Variants in ZNF19 observed in about 807,000 individuals in gnomAD.
ZNF19 encodes the protein zinc finger protein 19, also known as zinc finger protein 19 (KOX 12).
Under a neutral mutation model 13.1 loss-of-function variants are expected in ZNF19, and 11 were observed. The observed-to-expected ratio is 0.84, with a 90% confidence interval of 0.53 to 1.39. ZNF19 has a LOEUF of 1.39. Among genes scored for constraint, ZNF19 ranks in the 40% most tolerant of loss-of-function variants. The probability of loss-of-function intolerance (pLI) is 0.00; values close to 1 mark genes in which losing one functional copy is unlikely to be tolerated. For missense variants in ZNF19, 560 were observed against 547.0 expected, an observed-to-expected ratio of 1.02 and a Z score of -0.24; for synonymous variants, 186 against 187.0, an observed-to-expected ratio of 0.99 and a Z score of 0.04.
At position 71,478,862 on chromosome 16, in the gene ZNF19, G is replaced by A. The variant is rs1338275881; in HGVS notation, c.160+17C>T. ...GGAAAAGTACAGATCTGAGTCCTAG[G>A]AGGAAAATGGCCTTACCCAAAGCAG... is the stretch of plus-strand genomic sequence containing the variant. On this transcript the variant is annotated intron_variant, in intron 4 of 5. Transcript: ENST00000288177. 4 of 1,612,698 alleles carry A rather than the reference G, an allele frequency of 2.5e-6. No homozygotes were observed. In the African/African-American group the frequency reaches 5.3e-5, roughly 22 times the overall value.
intron 3 of ZNF19, among the ~76,000 whole-genome samples, chr16:71,479,756 G>T (rs1437195836): frequency 6.6e-6 from 1 of 150,840 alleles, no homozygotes; most frequent in Non-Finnish European, 1.5e-5. Context: ...TGCTTCTTGG[G>T]TTTTTTTTTC....
Position 71,476,138 on chromosome 16 carries a change from T to C in ZNF19, c.409A>G (p.Lys137Glu), listed in dbSNP as rs767137185. The C allele has an allele frequency of 1.1e-5, 18 of 1,614,048 alleles. No homozygotes were observed. The Admixed American group carries it at 2.8e-4, about 25-fold the overall frequency. Residue 137 changes from lysine (K) to glutamate (E), a missense_variant, in exon 6 of 6, where the codon AAG becomes GAG. Coordinates refer to ENST00000288177, the MANE Select transcript of ZNF19 (RefSeq NM_006961.4). ...TTCACTGTGGGGATGTCCTGGTGCT[T>C]TTCCACATTACGTGTTTCTGGGAAG... ...TDFPETRNVE[K>E]HQDIPTVKNI...
intron 5 of ZNF19, among the ~76,000 whole-genome samples, chr16:71,476,769 G>A (rs1170376998): frequency 6.6e-6 from 1 of 152,214 alleles, no homozygotes; most frequent in Non-Finnish European, 1.5e-5. Flanking sequence ...CAGACACTGG[G>A]TTGTGGCAAG....
At chr16:71,483,247 A>G (rs2043649314) in intron 2 of ZNF19, among the ~76,000 whole-genome samples, 1 of 152,232 alleles carries the variant, frequency 6.6e-6, no homozygotes, top group African/African-American at 2.4e-5. Flanking sequence ...GGGCCAACTC[A>G]ACACACTAAA....
chr16:71,478,492 C>A (rs774091950), intron 4 of ZNF19, 151 bp from the exon 5 acceptor site: 20 of 719,086 alleles, frequency 2.8e-5, no homozygotes. Context: ...GGAAACTGAG[C>A]ATTTGTGACT....
rs769676661 is a variant in ZNF19, at chr16:71,475,883, A to G, written c.664T>C (p.Cys222Arg). 2.5e-6 allele frequency: 4 copies of G among 1,612,976 alleles called. No homozygotes were observed. The highest frequency in any genetic ancestry group is 1.3e-5 in the African/African-American group (1 of 74,706). Residue 222 changes from cysteine to arginine, a missense_variant, in exon 6 of 6, where the codon TGT (cysteine) becomes CGT (arginine). Transcript: ENST00000288177. ...TGERPYQCEE[C>R]GRAFNDNANL... ...GCATTATCATTAAAGGCTCGCCCACACTCCTCACACTGATAGGGTCTCTCT... is the reference window on the plus strand; with the variant it reads ...GCATTATCATTAAAGGCTCGCCCACGCTCCTCACACTGATAGGGTCTCTCT...
At position 71,489,309 on chromosome 16, in the gene ZNF19, G is replaced by A; in HGVS notation, c.-227C>T. On this transcript the variant is annotated 5_prime_UTR_variant, in exon 1 of 6. Coordinates refer to ENST00000288177, the MANE Select transcript of ZNF19 (RefSeq NM_006961.4). ...ACTCAAAACAGGCCAGAAGCGCACC[G>A]CTAGCGAGAACGGTTAGGAGGCCGG... is the stretch of plus-strand genomic sequence containing the variant. 1 of 985,474 alleles carries A rather than the reference G, an allele frequency of 1.0e-6. No homozygotes were observed. The highest frequency in any genetic ancestry group is 1.2e-6 in the Non-Finnish European group (1 of 829,960). 61.0% of individuals were successfully genotyped at this position (985,474 alleles called of 1,614,324 possible).
chr16:71,485,524 A>C (rs963324942), intron 1 of ZNF19, among the ~76,000 whole-genome samples: 1 of 151,778 alleles, frequency 6.6e-6, no homozygotes, highest in Non-Finnish European at 1.5e-5. Context: ...GGATATATTA[A>C]GTAACTATTT....
Position 71,479,059 on chromosome 16 carries a change from A to G in ZNF19, c.34-54T>C. On this transcript the variant is annotated intron_variant, in intron 3 of 5. Coordinates refer to ENST00000288177, the MANE Select transcript of ZNF19 (RefSeq NM_006961.4). ...AGCCAATCCTCTGGCTCCGGGCCAG[A>G]GTGTGGGGCAGAGGGGACAGGTAGG... 5 of 1,613,450 alleles carry G rather than the reference A, an allele frequency of 3.1e-6. 1 individual carries two copies. The South Asian group carries it at 3.3e-5, about 11-fold the overall frequency.
At chr16:71,488,713 C>A (rs942378232) in intron 1 of ZNF19, among the ~76,000 whole-genome samples, 24 of 152,028 alleles carry the variant, frequency 1.6e-4, no homozygotes, top group Non-Finnish European at 3.4e-4. Flanking sequence ...GCAGGAGAAT[C>A]ACTTGAACTC....
chr16:71,488,865 C>T (rs2043700332), intron 1 of ZNF19: 1 of 152,266 alleles, frequency 6.6e-6, no homozygotes. Context: ...TGTTTGGACA[C>T]AGGTCTCCAA....
rs1440114434 is a variant in ZNF19 at position 71,475,862 on chromosome 16, TA to T, written c.684del (p.Asp228GlufsTer5). On this transcript the variant is annotated frameshift_variant, in exon 6 of 6. Coordinates refer to ENST00000288177, the MANE Select transcript of ZNF19 (RefSeq NM_006961.4). LOFTEE classifies it low-confidence loss of function (END_TRUNC). Reference protein sequence around the residue: ...QCEECGRAFNDNANLIRHQRI... With the variant: ...QCEECGRAFNXNANLIRHQRI... ...CTCTGATGCCTGATCAGATTTGCAT[TA>T]TCATTAAAGGCTCGCCCACACTCCT... 6.2e-7 allele frequency: 1 copy of T among 1,613,376 alleles called. No homozygotes were observed. Among genetic ancestry groups the T allele is most frequent in the African/African-American group, 1.3e-5 (1 of 74,924 alleles).
At chr16:71,478,657 G>A (rs1252731035) in intron 4 of ZNF19, 1 of 657,820 alleles carries the variant, frequency 1.5e-6, no homozygotes, top group Non-Finnish European at 2.7e-6. Flanking sequence ...ACTCTTACCA[G>A]GGGACAGTAA....
At chr16:71,487,559 T>C (rs1035717411) in intron 1 of ZNF19, 1 of 152,280 alleles carries the variant, frequency 6.6e-6, no homozygotes, top group Non-Finnish European at 1.5e-5. Flanking sequence ...ACTTTCAAGC[T>C]TTGACCATTC....
chr16:71,475,479 G>A lies in ZNF19; in HGVS notation c.1068C>T (p.Pro356=). 6.2e-7 allele frequency: 1 copy of A among 1,614,160 alleles called. No homozygotes were observed. Among genetic ancestry groups the A allele is most frequent in the Non-Finnish European group, 8.5e-7 (1 of 1,180,032 alleles). Residue 356 remains proline (P), a synonymous_variant, in exon 6 of 6, where the codon CCC becomes CCT. Transcript: ENST00000288177. The stretch of plus-strand genomic sequence containing the variant: ...CTTTTCCACAATCTACACAGTCAAA[G>A]GGTTTCTCCTCACTGTGAATTCTCT... The part of the protein sequence containing the change: ...RHQRIHSEEK[P]FDCVDCGKAF...
At position 71,475,685 on chromosome 16, in the gene ZNF19, G is replaced by A. The variant is rs2288487; in HGVS notation, c.862C>T (p.Leu288=). 475,745 of 1,613,584 alleles carry A rather than the reference G, an allele frequency of 0.29. 74,566 individuals are homozygous for A. Among genetic ancestry groups the A allele is most frequent in the South Asian group, 0.51 (46,013 of 91,048 alleles). The change falls in exon 6 of 6, where the codon CTA becomes TTA. Residue 288 remains leucine, a synonymous_variant. Coordinates refer to ENST00000288177, the MANE Select transcript of ZNF19 (RefSeq NM_006961.4). The part of the protein sequence containing the change: ...CGKAFVGNSP[L]LRHQKIHTGE... Reference sequence around the variant, plus strand: ...GTGTGGATTTTCTGATGCCGAAGTAGGGGTGAATTACCAACAAAAGCTTTG... The same window carrying A: ...GTGTGGATTTTCTGATGCCGAAGTAAGGGTGAATTACCAACAAAAGCTTTG...
chr16:71,479,152 T>A, intron 3 of ZNF19, 147 bp from the exon 4 acceptor site: 1 of 1,012,494 alleles, frequency 9.9e-7, no homozygotes, highest in Non-Finnish European at 1.5e-6. Context: ...ATTAGACCAT[T>A]ATATGACTAT....
intron 3 of ZNF19, among the ~76,000 whole-genome samples, chr16:71,480,770 C>G (rs544185949): frequency 1.3e-5 from 2 of 152,316 alleles, no homozygotes; most frequent in South Asian, 4.1e-4. Context: ...CAGACCACCA[C>G]CAGTAGCGGA....
At chr16:71,487,467 T>G (rs899505459) in intron 1 of ZNF19, 1 of 152,518 alleles carries the variant, frequency 6.6e-6, no homozygotes, top group Non-Finnish European at 1.5e-5. Flanking sequence ...CAGTCTCAGG[T>G]ATATCTGTAT....
Sources: gnomAD v4.1 joint callset for allele counts (sites outside exome capture counted in the v4.1 genomes callset) on GRCh38, gnomAD v4.1.1 for gene constraint, MANE v1.5 for transcripts, NCBI Gene and HGNC (gene_info 2026-07-23, HGNC 2026-07-21) for gene names.